Variants in ZFP64 observed in about 807,000 individuals in gnomAD.
ZFP64 encodes the protein zinc finger protein 64.
In ZFP64, 14 loss-of-function variants were observed where a neutral mutation model predicts 51.6. That is an observed-to-expected ratio of 0.27 (90% CI 0.18 to 0.42). The LOEUF is 0.42. Among genes scored for constraint, ZFP64 ranks in the 10% least tolerant of loss-of-function variants. The pLI, the probability that ZFP64 is intolerant of heterozygous loss-of-function variation, is 1.00. For synonymous variants in ZFP64, 375 were observed against 361.4 expected, an observed-to-expected ratio of 1.04 and a Z score of -0.43; for missense variants, 754 against 906.8, an observed-to-expected ratio of 0.83 and a Z score of 2.16.
chr20:52,141,009 C>G (rs1568673167), intron 5 of ZFP64, among the ~76,000 whole-genome samples: 2 of 152,156 alleles, frequency 1.3e-5, no homozygotes, highest in African/African-American at 4.8e-5. Flanking sequence ...AAAAATGGAA[C>G]CATGAAGGCT....
intron 5 of ZFP64, chr20:52,110,273 G>C: frequency 2.9e-6 from 1 of 347,576 alleles, no homozygotes; most frequent in Non-Finnish European, 5.1e-6. Flanking sequence ...TTTCACAAAG[G>C]ACTCACAGCC....
chr20:52,108,089 G>A (rs530087005), intron 5 of ZFP64, among the ~76,000 whole-genome samples: 4 of 152,190 alleles, frequency 2.6e-5, no homozygotes, highest in African/African-American at 4.8e-5. Flanking sequence ...TTAGCTGGGC[G>A]GATGACACAC....
intron 5 of ZFP64, among the ~76,000 whole-genome samples, chr20:52,145,713 G>A (rs1292830390): frequency 6.6e-6 from 1 of 152,118 alleles, no homozygotes; most frequent in African/African-American, 2.4e-5. Flanking sequence ...CACCTGTTTA[G>A]GACACTTATC....
At chr20:52,158,807 C>A (rs1324160505) in intron 5 of ZFP64, among the ~76,000 whole-genome samples, 2 of 152,216 alleles carry the variant, frequency 1.3e-5, no homozygotes, top group Non-Finnish European at 2.9e-5. Context: ...TCAGTGAGCT[C>A]AGTCCCGCCC....
At chr20:52,168,294 T>C (rs899637005) in intron 2 of ZFP64, among the ~76,000 whole-genome samples, 1 of 152,258 alleles carries the variant, frequency 6.6e-6, no homozygotes, top group Non-Finnish European at 1.5e-5. Flanking sequence ...TTTCCTGTTA[T>C]CATGCCAAGT....
chr20:52,143,006 G>T (rs1235514256), intron 5 of ZFP64, among the ~76,000 whole-genome samples: 1 of 142,546 alleles, frequency 7.0e-6, no homozygotes, highest in Non-Finnish European at 1.6e-5. Context: ...TCAGCAAAAT[G>T]ACTGCAACTT....
Position 52,191,653 on chromosome 20 carries a change from GT to G in ZFP64, c.-18del. ...CGCGTTCATGGCCGCAGACTGGGAG[GT>G]CCCCGGCCGGCCGGGATGCCAAAGT... On this transcript the variant is annotated 5_prime_UTR_variant, in exon 1 of 6. Transcript: ENST00000216923. This position sits in a 1 kb window ranked among gnomAD's most constrained non-coding sequence, Gnocchi z 4.3. The G allele has an allele frequency of 6.3e-7, 1 of 1,578,920 alleles. No homozygotes were observed. The highest frequency in any genetic ancestry group is 8.6e-7 in the Non-Finnish European group (1 of 1,166,090).
intron 5 of ZFP64, among the ~76,000 whole-genome samples, chr20:52,139,103 G>C (rs1040945879): frequency 6.6e-6 from 1 of 152,118 alleles, no homozygotes; most frequent in African/African-American, 2.4e-5. Context: ...AACTTAGTTC[G>C]GCCACTGTGG....
In ZFP64 at chr20:52,097,066, C is replaced by T. The variant is rs757632410; in HGVS notation, c.976+307G>A. Reference sequence around the variant, plus strand: ...TAATCCTGGCATAGATTATGGCACTCCTTTGCTTCAGCAGGTCTTATTTCT... The same window carrying T: ...TAATCCTGGCATAGATTATGGCACTTCTTTGCTTCAGCAGGTCTTATTTCT... On this transcript the variant is annotated intron_variant, in intron 7 of 8. Transcript: ENST00000361387. The T allele has an allele frequency of 2.6e-5, 18 of 689,454 alleles. 1 individual carries two copies. Among genetic ancestry groups the T allele is most frequent in the South Asian group, 1.8e-4 (13 of 72,898 alleles). 42.7% of individuals were successfully genotyped at this position (689,454 alleles called of 1,614,324 possible).
At chr20:52,169,820 G>A (rs1374109360) in intron 2 of ZFP64, among the ~76,000 whole-genome samples, 2 of 152,212 alleles carry the variant, frequency 1.3e-5, no homozygotes, top group East Asian at 3.8e-4. Context: ...TTGGGAGCCC[G>A]AGGCAGGCGG....
chr20:52,149,696 A>G (rs556959594), downstream of ZFP64, among the ~76,000 whole-genome samples: 10 of 152,304 alleles, frequency 6.6e-5, no homozygotes, highest in South Asian at 2.1e-3. Flanking sequence ...TTTTGTTTGT[A>G]AAAAGACAAA....
intron 2 of ZFP64, among the ~76,000 whole-genome samples, chr20:52,183,712 T>C (rs1394581769): frequency 6.6e-6 from 1 of 152,206 alleles, no homozygotes; most frequent in East Asian, 1.9e-4. Context: ...ATCAGTTTTA[T>C]TGTATTTCAA....
chr20:52,168,214 AATGGAAAT>A (rs1568693751), intron 2 of ZFP64, among the ~76,000 whole-genome samples: 1 of 152,096 alleles, frequency 6.6e-6, no homozygotes, highest in Non-Finnish European at 1.5e-5. Context: ...CATTTTTCTC[AATGGAAAT>A]ATGTGTAGGG....
rs374976001 is a variant in ZFP64, at chr20:52,085,130, C to G, written c.1365G>C (p.Ala455=). Reference sequence around the variant, plus strand: ...TGATGCGGATGTGCGATTTGAGATTCGCCTTCATGGTGCAGCGGACGTCGC... The same window carrying G: ...TGATGCGGATGTGCGATTTGAGATTGGCCTTCATGGTGCAGCGGACGTCGC... The change falls in exon 9 of 9, where the codon GCG becomes GCC. Residue 455 remains alanine, a synonymous_variant. Transcript: ENST00000361387. The surrounding 1 kb of genome is among the most constrained non-coding windows in gnomAD (Gnocchi z 4.3). 2 of 1,614,128 alleles carry G rather than the reference C, an allele frequency of 1.2e-6. No individual in the cohort carries two copies. Among genetic ancestry groups the G allele is most frequent in the Admixed American group, 1.7e-5 (1 of 60,010 alleles).
chr20:52,118,513 C>T (rs551904598), intron 5 of ZFP64, among the ~76,000 whole-genome samples: 2 of 152,304 alleles, frequency 1.3e-5, no homozygotes, highest in African/African-American at 4.8e-5. Flanking sequence ...AGTGAAATCA[C>T]ACCAATTGCT....
At position 52,115,197 on chromosome 20, in the gene ZFP64, C is replaced by CAA. The variant is rs11484315; in HGVS notation, c.764-16612_764-16611dup. Among the ~76,000 whole-genome samples, 260 of 89,858 alleles carry CAA rather than the reference C, an allele frequency of 2.9e-3. 6 individuals are homozygous for CAA. The East Asian group carries it at 0.032, about 11-fold the overall frequency. The allele number at this position is 89,858 out of a possible 152,430, so 59.0% of individuals were successfully genotyped here. The stretch of plus-strand genomic sequence containing the variant: ...CCAGCCTGGGTAACAGAGTGAGTCT[C>CAA]AAAAAAAAAAAAAAAAAAGAAACAC... On this transcript the variant is annotated intron_variant, in intron 5 of 8. Coordinates refer to the ZFP64 transcript ENST00000361387.
At chr20:52,138,317 T>G (rs1309126347) in intron 5 of ZFP64, among the ~76,000 whole-genome samples, 1 of 152,008 alleles carries the variant, frequency 6.6e-6, no homozygotes, top group Non-Finnish European at 1.5e-5. Flanking sequence ...AACCACAAAC[T>G]TTAATAAATA....
chr20:52,182,932 A>G (rs898939792), intron 2 of ZFP64, among the ~76,000 whole-genome samples: 3 of 152,120 alleles, frequency 2.0e-5, no homozygotes, highest in African/African-American at 7.2e-5. Flanking sequence ...TTCCTCTATT[A>G]ATCATTTAAA....
chr20:52,101,475 T>TC (rs1297615600), intron 5 of ZFP64, among the ~76,000 whole-genome samples: 2 of 152,184 alleles, frequency 1.3e-5, no homozygotes, highest in Non-Finnish European at 2.9e-5. Context: ...GCTCAAGCCA[T>TC]CCTCCTACCT....
Sources: allele counts gnomAD v4.1 joint callset (sites outside exome capture counted in the v4.1 genomes callset), GRCh38; gene constraint gnomAD v4.1.1; non-coding constraint Gnocchi (gnomAD v3.1); transcripts MANE v1.5; gene names NCBI Gene and HGNC (gene_info 2026-07-23, HGNC 2026-07-21).